Variants in RAC2 observed in about 807,000 individuals in gnomAD.
RAC2 encodes Rac family small GTPase 2.
RAC2 carries 1 observed loss-of-function variant against 24.0 expected under a neutral mutation model. That is an observed-to-expected ratio of 0.04 (90% CI 0.01 to 0.20). The LOEUF (loss-of-function observed/expected upper bound fraction) is 0.20. Ranked by LOEUF, RAC2 falls within the 10% of genes least tolerant of loss-of-function variation. RAC2 has a pLI of 1.00. For missense variants in RAC2, 130 were observed against 259.1 expected, an observed-to-expected ratio of 0.50 and a Z score of 3.42; for synonymous variants, 114 against 106.8, an observed-to-expected ratio of 1.07 and a Z score of -0.41.
At chr22:37,241,691 C>T in intron 1 of RAC2, 33 bp from the exon 2 acceptor site, 2 of 1,589,372 alleles carry the variant, frequency 1.3e-6, no homozygotes, top group Non-Finnish European at 1.7e-6. Context: ...GGGCGGCGGT[C>T]ATGGGCTCTG....
intron 5 of RAC2, among the ~76,000 whole-genome samples, chr22:37,229,449 G>A (rs1926990140): frequency 6.6e-6 from 1 of 152,184 alleles, no homozygotes; most frequent in African/African-American, 2.4e-5. Context: ...GTAAAGTGAA[G>A]GTGACAAGAG....
Position 37,231,450 on chromosome 22 carries a change from G to A in RAC2, c.289-60C>T. 2 of 1,534,236 alleles carry A rather than the reference G, an allele frequency of 1.3e-6. No homozygotes were observed. Among genetic ancestry groups the A allele is most frequent in the South Asian group, 1.1e-5 (1 of 89,562 alleles). The stretch of plus-strand genomic sequence containing the variant: ...GGGTCAAGAGGGGGCGCGAGGCTGT[G>A]CGGGGATCAGAGGGAGTGTGAGGGT... On this transcript the variant is annotated intron_variant, in intron 4 of 6. Coordinates refer to ENST00000249071, the MANE Select transcript of RAC2 (RefSeq NM_002872.5). This position sits in a 1 kb window ranked among gnomAD's most constrained non-coding sequence, Gnocchi z 5.5.
chr22:37,225,778 G>A lies in RAC2; in HGVS notation c.*264C>T, dbSNP rs1222441580. On this transcript the variant is annotated 3_prime_UTR_variant, in exon 7 of 7. Transcript: ENST00000249071. ...TTGGCACTGACGGCAGGAACACGGG[G>A]GTGGCTTAATGGGTCCTGGGGCTCC... The A allele has an allele frequency of 6.6e-6, 1 of 152,292 alleles. No individual in the cohort carries two copies. The highest frequency in any genetic ancestry group is 1.9e-4 in the East Asian group (1 of 5,196). The allele number at this position is 152,292 out of a possible 1,614,324, so 9.4% of individuals were successfully genotyped here. A position where few individuals can be genotyped will look rare whatever the true frequency, so the allele number is the denominator to read the frequency against.
At chr22:37,232,145 T>C in intron 3 of RAC2, 151 bp from the exon 4 acceptor site, 1 of 782,150 alleles carries the variant, frequency 1.3e-6, no homozygotes. Context: ...AGAGATACCC[T>C]TCTCGCCTCT....
chr22:37,243,569 A>G (rs966297529), intron 1 of RAC2, among the ~76,000 whole-genome samples: 4 of 152,084 alleles, frequency 2.6e-5, no homozygotes, highest in African/African-American at 9.7e-5. Context: ...GGGGTGCTAG[A>G]AGGCACATAC....
chr22:37,236,495 A>G (rs1927226835), intron 2 of RAC2, among the ~76,000 whole-genome samples: 1 of 152,250 alleles, frequency 6.6e-6, no homozygotes, highest in African/African-American at 2.4e-5. Context: ...TGGCAGAGCA[A>G]GGCTAGATCC....
chr22:37,241,527 G>T (rs370114359), intron 2 of RAC2, 60 bp downstream of exon 2: 11 of 1,533,792 alleles, frequency 7.2e-6, no homozygotes, highest in Admixed American at 3.3e-5. Context: ...TGAAAGGGGG[G>T]TCGACTTGGT....
intron 2 of RAC2, 66 bp downstream of exon 2, chr22:37,241,521 A>T: frequency 4.0e-6 from 6 of 1,508,868 alleles, no homozygotes; most frequent in Admixed American, 1.7e-5. Flanking sequence ...AGTGCCTGAA[A>T]GGGGGGTCGA....
chr22:37,236,749 G>T (rs1030315978), intron 2 of RAC2, among the ~76,000 whole-genome samples: 4 of 152,164 alleles, frequency 2.6e-5, no homozygotes, highest in Non-Finnish European at 5.9e-5. Context: ...GGAACCCAGA[G>T]ACCACAGGGC....
At chr22:37,237,341 C>T (rs889131477) in intron 2 of RAC2, among the ~76,000 whole-genome samples, 4 of 152,010 alleles carry the variant, frequency 2.6e-5, no homozygotes, top group Non-Finnish European at 5.9e-5. Context: ...CCTTACCGTG[C>T]TATTGGTTGA....
chr22:37,227,614 T>C (rs1280685476), intron 5 of RAC2, among the ~76,000 whole-genome samples: 1 of 21,044 alleles, frequency 4.8e-5, no homozygotes, highest in African/African-American at 1.9e-4. Flanking sequence ...CATACACCCC[T>C]CCCACGCCAT....
At position 37,231,637 on chromosome 22, in the gene RAC2, A is replaced by G. The variant is rs1228810318; in HGVS notation, c.289-247T>C. 5.0e-6 allele frequency: 3 copies of G among 605,320 alleles called. No individual in the cohort carries two copies. Among genetic ancestry groups the G allele is most frequent in the Admixed American group, 5.8e-5 (2 of 34,298 alleles). 37.5% of individuals were successfully genotyped at this position (605,320 alleles called of 1,614,324 possible). A position where few individuals can be genotyped will look rare whatever the true frequency, so the allele number is the denominator to read the frequency against. On this transcript the variant is annotated intron_variant, in intron 4 of 6. Transcript: ENST00000249071. This position sits in a 1 kb window ranked among gnomAD's most constrained non-coding sequence, Gnocchi z 5.5. ...GGAGGAGGCGAGGTTTTGTGCAGAC[A>G]TAAGAAGCAAACATGAGGTTATGTG...
At chr22:37,226,446 G>A (rs9622584) in intron 6 of RAC2, among the ~76,000 whole-genome samples, 9,730 of 152,094 alleles carry the variant, frequency 0.064, 387 homozygotes, top group South Asian at 0.14. Flanking sequence ...GGGGTGGGGG[G>A]TTACCAGGCA....
intron 2 of RAC2, chr22:37,240,704 T>C (rs1169448003): frequency 2.8e-6 from 1 of 361,158 alleles, no homozygotes; most frequent in Non-Finnish European, 5.2e-6. Flanking sequence ...ATGGGAGAGA[T>C]CAGATAAAGT....
At chr22:37,237,193 AAGGAAGGAAGGGAGGAAGGG>A (rs1462570839) in intron 2 of RAC2, among the ~76,000 whole-genome samples, 1 of 139,994 alleles carries the variant, frequency 7.1e-6, no homozygotes, top group African/African-American at 2.6e-5. Context: ...GTCAGGAAGG[AAGGAAGGAAGGGAGGAAGGG>A]AGGGAGGAAG....
chr22:37,237,737 C>T (rs750226551), intron 2 of RAC2, among the ~76,000 whole-genome samples: 1 of 152,068 alleles, frequency 6.6e-6, no homozygotes, highest in Non-Finnish European at 1.5e-5. Flanking sequence ...GCAGTCATGA[C>T]GGAGCAACAG....
chr22:37,234,136 G>A (rs1028303744), intron 2 of RAC2, among the ~76,000 whole-genome samples: 2 of 152,236 alleles, frequency 1.3e-5, no homozygotes, highest in South Asian at 2.1e-4. Flanking sequence ...CAGAGCCAGC[G>A]CTGGGGCCAC....
chr22:37,228,371 T>C (rs550751475), intron 5 of RAC2, among the ~76,000 whole-genome samples: 1 of 152,308 alleles, frequency 6.6e-6, no homozygotes, highest in East Asian at 1.9e-4. Flanking sequence ...AGGGACGGCG[T>C]TCCATGACAT....
rs371179748 is a variant in RAC2, at chr22:37,231,896, C to T, written c.288+36G>A. ...TCCCTCTGTCCCTCAGGGTTACCTG[C>T]CCCAGAGCCCCCAAGGCCCACCCTG... On this transcript the variant is annotated intron_variant, in intron 4 of 6. Coordinates refer to ENST00000249071, the MANE Select transcript of RAC2 (RefSeq NM_002872.5). This position sits in a 1 kb window ranked among gnomAD's most constrained non-coding sequence, Gnocchi z 5.5. The T allele has an allele frequency of 6.5e-6, 10 of 1,549,230 alleles. No homozygotes were observed. The African/African-American group carries it at 1.2e-4, about 19-fold the overall frequency.
Sources: gnomAD v4.1 joint callset for allele counts (sites outside exome capture counted in the v4.1 genomes callset) on GRCh38, gnomAD v4.1.1 for gene constraint, Gnocchi (gnomAD v3.1) non-coding constraint, MANE v1.5 for transcripts, NCBI Gene and HGNC (gene_info 2026-07-23, HGNC 2026-07-21) for gene names.